The following SSBP2 variants were observed in gnomAD, a reference collection of about 807,000 sequenced individuals.
SSBP2 encodes the protein single stranded DNA binding protein 2, also known as single-stranded DNA-binding protein 2.
SSBP2 carries 17 observed loss-of-function variants against 61.8 expected under a neutral mutation model. That is an observed-to-expected ratio of 0.28 (90% confidence interval 0.19 to 0.41). The LOEUF (loss-of-function observed/expected upper bound fraction) is 0.41, where lower values mean the gene tolerates loss of function less well. SSBP2 is among the 10% of genes least tolerant of loss of function. SSBP2 has a pLI of 1.00. For missense variants in SSBP2, 310 were observed against 458.7 expected (o/e 0.68, Z 2.96); for synonymous variants, 139 against 141.3 (o/e 0.98, Z 0.12).
intron 4 of SSBP2, among the ~76,000 whole-genome samples, chr5:81,598,155 A>G (rs986655001): frequency 1.1e-4 from 16 of 152,266 alleles, no homozygotes; most frequent in Non-Finnish European, 1.8e-4. Context: ...AGCAAGGAAC[A>G]AAATCACACC....
intron 1 of SSBP2, among the ~76,000 whole-genome samples, chr5:81,677,254 C>A (rs1251976901): frequency 3.3e-5 from 5 of 152,060 alleles, no homozygotes; most frequent in Non-Finnish European, 7.4e-5. Context: ...CCAATCTATC[C>A]CAACAACAAG....
intron 1 of SSBP2, among the ~76,000 whole-genome samples, chr5:81,683,136 T>A (rs1017055090): frequency 6.6e-6 from 1 of 152,162 alleles, no homozygotes; most frequent in African/African-American, 2.4e-5. Flanking sequence ...TCCCAGCAAT[T>A]ATTTTGTGGA....
At chr5:81,546,581 T>C (rs1771744586) in intron 4 of SSBP2, among the ~76,000 whole-genome samples, 1 of 152,092 alleles carries the variant, frequency 6.6e-6, no homozygotes, top group Admixed American at 6.5e-5. Flanking sequence ...AATACGTCTT[T>C]GAGGTCAAAG....
At chr5:81,508,159 T>C (rs1768324085) in intron 5 of SSBP2, among the ~76,000 whole-genome samples, 1 of 152,184 alleles carries the variant, frequency 6.6e-6, no homozygotes, top group African/African-American at 2.4e-5. Flanking sequence ...CTACAATGGA[T>C]GTGTATTCAC....
At chr5:81,568,712 T>A (rs1270329270) in intron 4 of SSBP2, among the ~76,000 whole-genome samples, 1 of 152,230 alleles carries the variant, frequency 6.6e-6, no homozygotes, top group East Asian at 1.9e-4. Flanking sequence ...CACATATGTA[T>A]ATTTTTAATA....
chr5:81,561,044 G>A (rs1194117739), intron 4 of SSBP2, among the ~76,000 whole-genome samples: 2 of 152,118 alleles, frequency 1.3e-5, no homozygotes, highest in Admixed American at 6.5e-5. Flanking sequence ...GTTTCTCCTA[G>A]TACCAGAAAT....
chr5:81,708,385 C>A (rs1208041009), intron 1 of SSBP2, among the ~76,000 whole-genome samples: 5 of 152,010 alleles, frequency 3.3e-5, no homozygotes. Context: ...TGTTTAAGTT[C>A]TCTGGAATTG....
chr5:81,591,316 C>T (rs958211357), intron 4 of SSBP2, among the ~76,000 whole-genome samples: 11 of 152,172 alleles, frequency 7.2e-5, no homozygotes, highest in African/African-American at 2.7e-4. Flanking sequence ...AGGAGGCATG[C>T]CAATCACTAG....
chr5:81,502,881 C>A (rs577072227), intron 5 of SSBP2, among the ~76,000 whole-genome samples: 5 of 152,246 alleles, frequency 3.3e-5, no homozygotes, highest in African/African-American at 9.6e-5. Context: ...AACAGACAAC[C>A]TATAGAATGG....
At chr5:81,474,914 T>A (rs1375484378) in intron 6 of SSBP2, among the ~76,000 whole-genome samples, 1 of 152,170 alleles carries the variant, frequency 6.6e-6, no homozygotes, top group African/African-American at 2.4e-5. Flanking sequence ...GCTTCTTACA[T>A]GTAAATTCCC....
chr5:81,524,852 A>G (rs1200902563), intron 4 of SSBP2, among the ~76,000 whole-genome samples: 2 of 152,150 alleles, frequency 1.3e-5, no homozygotes, highest in Non-Finnish European at 2.9e-5. Context: ...TTTGCCAGCC[A>G]GGCCTCTAAC....
chr5:81,679,171 G>A (rs1037844552), intron 1 of SSBP2, among the ~76,000 whole-genome samples: 15 of 152,258 alleles, frequency 9.9e-5, no homozygotes, highest in African/African-American at 3.4e-4. Context: ...ACCACACCCA[G>A]CTAATTTTTG....
chr5:81,514,458 T>C (rs1400208678), intron 4 of SSBP2, among the ~76,000 whole-genome samples: 1 of 152,084 alleles, frequency 6.6e-6, no homozygotes, highest in Non-Finnish European at 1.5e-5. Flanking sequence ...TGTAATAAAA[T>C]CAACATTATA....
At chr5:81,663,318 C>A (rs747264087) in intron 1 of SSBP2, among the ~76,000 whole-genome samples, 1 of 151,994 alleles carries the variant, frequency 6.6e-6, no homozygotes, top group Non-Finnish European at 1.5e-5. Context: ...GTATATAATA[C>A]GACTATATAT....
At chr5:81,585,562 T>C (rs1291075888) in intron 4 of SSBP2, among the ~76,000 whole-genome samples, 4 of 152,010 alleles carry the variant, frequency 2.6e-5, no homozygotes, top group Non-Finnish European at 5.9e-5. Flanking sequence ...TGTATATATA[T>C]ATATATATGG....
intron 2 of SSBP2, among the ~76,000 whole-genome samples, chr5:81,639,838 CT>C (rs1382189786): frequency 2.0e-5 from 3 of 151,990 alleles, no homozygotes; most frequent in African/African-American, 4.8e-5. Context: ...CCCAAAAGGA[CT>C]TTTTAAAAGT....
rs3805724 is a variant in SSBP2, at chr5:81,513,800, C to T, written c.283-83G>A. On this transcript the variant is annotated intron_variant, in intron 4 of 16. Transcript: ENST00000320672. ...AGACTAATGATAATAGATTGCAGGA[C>T]GGGATGCTCTTTCATGCCTGGGAAC... 654 of 832,606 alleles carry T rather than the reference C, an allele frequency of 7.9e-4. 5 individuals are homozygous for T. In the East Asian group the frequency reaches 0.016, roughly 20 times the overall value. 51.6% of individuals were successfully genotyped at this position (832,606 alleles called of 1,614,324 possible).
At chr5:81,428,886 T>TA (rs929450693) in intron 15 of SSBP2, among the ~76,000 whole-genome samples, 19 of 151,970 alleles carry the variant, frequency 1.3e-4, no homozygotes, top group African/African-American at 3.4e-4. Context: ...TAAAAAAAAA[T>TA]AAAAAAACCC....
At chr5:81,424,949 G>A (rs1035362189) in intron 16 of SSBP2, among the ~76,000 whole-genome samples, 1 of 152,186 alleles carries the variant, frequency 6.6e-6, no homozygotes, top group African/African-American at 2.4e-5. Context: ...AGGTTGCCCT[G>A]TTTCAAAACT....
Sources: gnomAD v4.1 joint callset for allele counts (sites outside exome capture counted in the v4.1 genomes callset) on GRCh38, gnomAD v4.1.1 for gene constraint, MANE v1.5 for transcripts, NCBI Gene and HGNC (gene_info 2026-07-23, HGNC 2026-07-21) for gene names.